QTMAN: variants seen among roughly 807,000 people sequenced by gnomAD.
QTMAN encodes tRNA-queuosine alpha-mannosyltransferase.
the QTMAN span, chr2:144,178,817 C>T: frequency 4.1e-5 from 14 of 343,744 alleles, no homozygotes; most frequent in East Asian, 1.0e-4. Flanking sequence ...CAACTGATGC[C>T]GGAAGAAAAA....
chr2:143,989,292 G>A, the QTMAN span, among the ~76,000 whole-genome samples: 5 of 151,898 alleles, frequency 3.3e-5, no homozygotes, highest in Non-Finnish European at 5.9e-5. Context: ...TCATAGAACT[G>A]AGTGGTGATA....
the QTMAN span, among the ~76,000 whole-genome samples, chr2:144,076,856 G>C: frequency 6.6e-6 from 1 of 151,792 alleles, no homozygotes; most frequent in East Asian, 1.9e-4. Context: ...CAGTGGCTCA[G>C]GCCACTAATC....
At chr2:144,250,751 G>GAA in the QTMAN span, among the ~76,000 whole-genome samples, 15 of 67,032 alleles carry the variant, frequency 2.2e-4, no homozygotes, top group Admixed American at 3.5e-4. Flanking sequence ...CTTTAAGGCC[G>GAA]AAAAAAAAAA....
At chr2:144,241,642 T>A in the QTMAN span, among the ~76,000 whole-genome samples, 1 of 152,226 alleles carries the variant, frequency 6.6e-6, no homozygotes, top group Non-Finnish European at 1.5e-5. Context: ...ATCTTTCTTT[T>A]TTATTCTTCT....
the QTMAN span, among the ~76,000 whole-genome samples, chr2:144,164,980 A>C: frequency 6.6e-6 from 1 of 152,178 alleles, no homozygotes; most frequent in African/African-American, 2.4e-5. Flanking sequence ...TGGTGCTACA[A>C]TTAAATTTTT....
At chr2:144,042,974 G>A in the QTMAN span, among the ~76,000 whole-genome samples, 8 of 151,992 alleles carry the variant, frequency 5.3e-5, no homozygotes, top group Non-Finnish European at 1.0e-4. Context: ...TCTATTCAGA[G>A]CACCAAAGAG....
the QTMAN span, among the ~76,000 whole-genome samples, chr2:144,225,493 C>T: frequency 6.6e-6 from 1 of 152,124 alleles, no homozygotes; most frequent in Non-Finnish European, 1.5e-5. Flanking sequence ...AGACCCCTTA[C>T]AATTTGGTTC....
chr2:144,155,515 A>C, the QTMAN span, among the ~76,000 whole-genome samples: 1 of 152,202 alleles, frequency 6.6e-6, no homozygotes, highest in South Asian at 2.1e-4. Context: ...ATATCATTTT[A>C]CATTGGAATG....
the QTMAN span, among the ~76,000 whole-genome samples, chr2:144,174,236 C>A: frequency 1.3e-5 from 2 of 152,016 alleles, no homozygotes; most frequent in Admixed American, 1.3e-4. Context: ...CTTTATGTAC[C>A]CAGATGCTTA....
At chr2:144,149,851 C>G in the QTMAN span, among the ~76,000 whole-genome samples, 1 of 151,968 alleles carries the variant, frequency 6.6e-6, no homozygotes, top group South Asian at 2.1e-4. Flanking sequence ...TTGCCTTTTA[C>G]CCTATTTACT....
the QTMAN span, among the ~76,000 whole-genome samples, chr2:144,152,855 A>T: frequency 1.3e-5 from 2 of 152,246 alleles, no homozygotes; most frequent in Non-Finnish European, 2.9e-5. Flanking sequence ...AAATAACAAT[A>T]AAAAAGATAA....
chr2:143,970,630 A>T, the QTMAN span: 2 of 1,148,896 alleles, frequency 1.7e-6, no homozygotes, highest in Admixed American at 3.4e-5. Context: ...AAAAATACAC[A>T]TTAGAAAATT....
At chr2:144,023,574 G>A in the QTMAN span, among the ~76,000 whole-genome samples, 1 of 152,174 alleles carries the variant, frequency 6.6e-6, no homozygotes, top group African/African-American at 2.4e-5. Flanking sequence ...ATTATTGTGA[G>A]GTTCAACATT....
the QTMAN span, among the ~76,000 whole-genome samples, chr2:144,155,796 A>G: frequency 2.0e-5 from 3 of 152,164 alleles, no homozygotes; most frequent in South Asian, 2.1e-4. Context: ...TTTGGACAGT[A>G]TCATGATTTA....
the QTMAN span, among the ~76,000 whole-genome samples, chr2:144,330,963 A>G: frequency 6.6e-6 from 1 of 152,358 alleles, no homozygotes; most frequent in African/African-American, 2.4e-5. Flanking sequence ...AATCAAGACT[A>G]AAGAAGCCAT....
At chr2:143,982,474 A>T in the QTMAN span, among the ~76,000 whole-genome samples, 1 of 151,266 alleles carries the variant, frequency 6.6e-6, no homozygotes, top group African/African-American at 2.4e-5. Context: ...ACCTCAGGTG[A>T]TCCACCTGCC....
At chr2:144,089,691 T>A in the QTMAN span, among the ~76,000 whole-genome samples, 22 of 151,994 alleles carry the variant, frequency 1.4e-4, no homozygotes, top group Non-Finnish European at 2.2e-4. Context: ...AAATATTGCA[T>A]GTTTTTACTT....
chr2:144,285,633 T>A, the QTMAN span, among the ~76,000 whole-genome samples: 1 of 152,194 alleles, frequency 6.6e-6, no homozygotes, highest in Admixed American at 6.5e-5. Context: ...ATTTTAACCC[T>A]GCCCCCTAAG....
the QTMAN span, among the ~76,000 whole-genome samples, chr2:144,096,146 G>A: frequency 6.6e-6 from 1 of 152,112 alleles, no homozygotes; most frequent in African/African-American, 2.4e-5. Flanking sequence ...TTAAATAACA[G>A]ATCTTTTGAA....
Sources: gnomAD v4.1 joint callset for allele counts (sites outside exome capture counted in the v4.1 genomes callset) on GRCh38, gnomAD v4.1.1 for gene constraint, MANE v1.5 for transcripts, NCBI Gene and HGNC (gene_info 2026-07-23, HGNC 2026-07-21) for gene names.